The following TMEFF2 variants were observed in gnomAD, a reference collection of about 807,000 sequenced individuals.
TMEFF2 encodes the protein transmembrane protein with EGF like and two follistatin like domains 2, also known as tomoregulin-2.
A neutral mutation model predicts 53.8 loss-of-function variants in TMEFF2; 28 were observed. The observed-to-expected ratio is 0.52, with a 90% CI of 0.39 to 0.71. The LOEUF is 0.71. TMEFF2 is among the 30% of genes least tolerant of loss of function. The pLI is 0.00. For missense variants in TMEFF2, 353 were observed against 455.2 expected (o/e 0.78, Z 2.04); for synonymous variants, 162 against 166.3 (o/e 0.97, Z 0.20).
intron 4 of TMEFF2, among the ~76,000 whole-genome samples, chr2:192,082,085 C>A (rs1386114887): frequency 6.6e-6 from 1 of 152,166 alleles, no homozygotes; most frequent in Non-Finnish European, 1.5e-5. Context: ...CAGGCGTGAG[C>A]CACCGTGCCC....
At chr2:192,176,858 T>A (rs1559158620) in intron 4 of TMEFF2, 1 of 151,112 alleles carries the variant, frequency 6.6e-6, no homozygotes, top group Non-Finnish European at 1.5e-5. Flanking sequence ...AAAGTAATAT[T>A]TGATATATTT....
At chr2:192,094,324 G>A (rs1246325807) in intron 4 of TMEFF2, among the ~76,000 whole-genome samples, 1 of 152,070 alleles carries the variant, frequency 6.6e-6, no homozygotes, top group East Asian at 1.9e-4. Flanking sequence ...ATTTTAATGT[G>A]TGATGCAGCT....
chr2:192,033,520 ATTT>A (rs11396104), intron 5 of TMEFF2, among the ~76,000 whole-genome samples: 10 of 135,606 alleles, frequency 7.4e-5, no homozygotes, highest in African/African-American at 8.2e-5. Flanking sequence ...ACCAGTTTGG[ATTT>A]TTTTTTTTTT....
intron 4 of TMEFF2, among the ~76,000 whole-genome samples, chr2:192,138,746 A>G (rs561337721): frequency 1.2e-4 from 19 of 152,206 alleles, no homozygotes; most frequent in Admixed American, 7.9e-4. Context: ...TCTTGATTTA[A>G]TCTTTAGCAG....
intron 5 of TMEFF2, among the ~76,000 whole-genome samples, chr2:192,042,660 T>C (rs1346419031): frequency 6.6e-6 from 1 of 152,222 alleles, no homozygotes; most frequent in East Asian, 1.9e-4. Context: ...TATTTAATAT[T>C]GCATTTAATA....
At chr2:192,030,260 C>G (rs1010287403) in intron 5 of TMEFF2, 2 of 152,220 alleles carry the variant, frequency 1.3e-5, no homozygotes, top group African/African-American at 4.8e-5. Context: ...TGAATCTGTT[C>G]AGATATTAGA....
intron 4 of TMEFF2, among the ~76,000 whole-genome samples, chr2:192,140,654 C>T (rs570051075): frequency 1.2e-4 from 18 of 151,960 alleles, no homozygotes; most frequent in East Asian, 3.9e-4. Flanking sequence ...GGGTGAGCAC[C>T]GTATCAACAT....
chr2:192,046,487 T>G (rs1687625736), intron 5 of TMEFF2, among the ~76,000 whole-genome samples: 1 of 152,144 alleles, frequency 6.6e-6, no homozygotes, highest in Non-Finnish European at 1.5e-5. Flanking sequence ...GAATCAGCAT[T>G]TAATATGTGG....
At chr2:192,030,314 C>G (rs1333468075) in intron 5 of TMEFF2, 2 of 152,106 alleles carry the variant, frequency 1.3e-5, no homozygotes, top group African/African-American at 4.8e-5. Flanking sequence ...TGTTCCCTTT[C>G]CCATGATTGC....
chr2:191,958,958 T>A (rs1692187109), intron 7 of TMEFF2, among the ~76,000 whole-genome samples: 1 of 152,124 alleles, frequency 6.6e-6, no homozygotes, highest in Non-Finnish European at 1.5e-5. Flanking sequence ...GAAACAAGAT[T>A]TTAGTATATT....
intron 6 of TMEFF2, 74 bp downstream of exon 6, chr2:191,998,986 G>C: frequency 1.4e-6 from 2 of 1,444,910 alleles, no homozygotes; most frequent in Non-Finnish European, 9.5e-7. Context: ...GCCTAATAAG[G>C]AGTTTTCTTC....
Position 191,968,580 on chromosome 2 carries a change from C to G in TMEFF2, c.746-12202G>C, listed in dbSNP as rs75162825. ...TGAGGGGAGCTCTGTTGATGCCTGACTACTTCTGTAGCAGAATTCACGGGA... is the reference window on the plus strand; with the variant it reads ...TGAGGGGAGCTCTGTTGATGCCTGAGTACTTCTGTAGCAGAATTCACGGGA... On this transcript the variant is annotated intron_variant, in intron 7 of 9. Coordinates refer to ENST00000272771, the MANE Select transcript of TMEFF2 (RefSeq NM_016192.4). Among the ~76,000 whole-genome samples, 587 of 152,254 alleles carry G rather than the reference C, an allele frequency of 3.9e-3. 9 individuals carry two copies. In the East Asian group the frequency reaches 0.055, roughly 14 times the overall value.
chr2:192,077,602 C>T (rs897168521), intron 4 of TMEFF2, among the ~76,000 whole-genome samples: 5 of 151,860 alleles, frequency 3.3e-5, no homozygotes, highest in Non-Finnish European at 5.9e-5. Context: ...GGGTGTCTTT[C>T]TTCTACTTCT....
intron 5 of TMEFF2, among the ~76,000 whole-genome samples, chr2:192,049,204 A>C (rs1218385558): frequency 6.6e-6 from 1 of 152,204 alleles, no homozygotes; most frequent in African/African-American, 2.4e-5. Context: ...ATATACACAC[A>C]TAATTTATAA....
At chr2:192,118,007 T>C (rs1354724565) in intron 4 of TMEFF2, among the ~76,000 whole-genome samples, 1 of 149,156 alleles carries the variant, frequency 6.7e-6, no homozygotes, top group Non-Finnish European at 1.5e-5. Flanking sequence ...TAATTCTTTG[T>C]TCCAAATGCC....
At chr2:191,993,304 T>C (rs1686149987) in intron 7 of TMEFF2, among the ~76,000 whole-genome samples, 1 of 152,048 alleles carries the variant, frequency 6.6e-6, no homozygotes, top group Non-Finnish European at 1.5e-5. Flanking sequence ...CTTCCACATT[T>C]CAGACCTGAG....
chr2:192,162,943 A>G (rs541729037), intron 4 of TMEFF2, among the ~76,000 whole-genome samples: 1 of 152,328 alleles, frequency 6.6e-6, no homozygotes, highest in South Asian at 2.1e-4. Context: ...AGACATCACA[A>G]CAAGCAGAGC....
intron 4 of TMEFF2, among the ~76,000 whole-genome samples, chr2:192,130,810 A>G (rs1019819424): frequency 2.0e-5 from 3 of 151,910 alleles, no homozygotes; most frequent in Non-Finnish European, 4.4e-5. Flanking sequence ...TCACACGGAC[A>G]CGCATGAAAT....
intron 5 of TMEFF2, among the ~76,000 whole-genome samples, chr2:192,044,979 G>C (rs192600163): frequency 6.6e-6 from 1 of 152,246 alleles, no homozygotes; most frequent in African/African-American, 2.4e-5. Flanking sequence ...GTCAAATCAG[G>C]CTCTTGGCAC....
Sources: gnomAD v4.1 joint callset for allele counts (sites outside exome capture counted in the v4.1 genomes callset) on GRCh38, gnomAD v4.1.1 for gene constraint, MANE v1.5 for transcripts, NCBI Gene and HGNC (gene_info 2026-07-23, HGNC 2026-07-21) for gene names.